The following TFAP2B variants were observed in gnomAD, a reference collection of about 807,000 sequenced individuals.
The protein encoded by TFAP2B is transcription factor AP-2-beta.
TFAP2B carries 9 observed loss-of-function variants against 44.3 expected under a neutral mutation model. That is an observed-to-expected ratio of 0.20 (90% confidence interval 0.12 to 0.35). The LOEUF (loss-of-function observed/expected upper bound fraction) is 0.35. TFAP2B is among the 10% of genes least tolerant of loss of function. TFAP2B has a pLI of 1.00. For missense variants in TFAP2B, 509 were observed against 600.0 expected (o/e 0.85, Z 1.59); for synonymous variants, 270 against 263.8 (o/e 1.02, Z -0.23).
chr6:50,834,015 T>C (rs950409996), intron 3 of TFAP2B, among the ~76,000 whole-genome samples: 2 of 152,196 alleles, frequency 1.3e-5, no homozygotes, highest in Non-Finnish European at 2.9e-5. Flanking sequence ...TTTTGGAAAA[T>C]AAGTTTTTCC....
chr6:50,824,269 G>T (rs1770443033), intron 2 of TFAP2B, among the ~76,000 whole-genome samples: 1 of 152,228 alleles, frequency 6.6e-6, no homozygotes, highest in Non-Finnish European at 1.5e-5. Flanking sequence ...GGGCTGTCCT[G>T]CTGACTTGGC....
chr6:50,819,678 C>T (rs1200261522), intron 1 of TFAP2B, among the ~76,000 whole-genome samples: 1 of 152,232 alleles, frequency 6.6e-6, no homozygotes, highest in Non-Finnish European at 1.5e-5. Context: ...TAGCTCAACT[C>T]TTCGGGGCAG....
At chr6:50,829,784 T>C (rs1232095987) in intron 3 of TFAP2B, among the ~76,000 whole-genome samples, 1 of 152,140 alleles carries the variant, frequency 6.6e-6, no homozygotes, top group Admixed American at 6.6e-5. Flanking sequence ...CCAAACAGGG[T>C]GAGGTATTCT....
intron 3 of TFAP2B, among the ~76,000 whole-genome samples, chr6:50,831,286 G>A (rs979775834): frequency 3.3e-5 from 5 of 152,156 alleles, no homozygotes; most frequent in Non-Finnish European, 2.9e-5. Context: ...GGTAGCCAGC[G>A]TGATAAATGG....
chr6:50,830,130 G>A (rs1316704812), intron 3 of TFAP2B, among the ~76,000 whole-genome samples: 1 of 152,082 alleles, frequency 6.6e-6, no homozygotes, highest in East Asian at 1.9e-4. Context: ...TTAGGGTGGG[G>A]TCGGGGAGGA....
chr6:50,822,074 C>A (rs1285166281), intron 1 of TFAP2B: 38 of 1,256,348 alleles, frequency 3.0e-5, no homozygotes, highest in Non-Finnish European at 3.9e-5. Flanking sequence ...CTGCTGGACT[C>A]CTTGATTTTT....
At position 50,838,105 on chromosome 6, in the gene TFAP2B, G is replaced by T; in HGVS notation, c.940+12G>T. On this transcript the variant is annotated intron_variant, in intron 5 of 6. Coordinates refer to ENST00000393655, the MANE Select transcript of TFAP2B (RefSeq NM_003221.4). ...CTCCCTGGTGGAAGGTAAGCAAGAC[G>T]TGTGGCCATTTCACGAAGTGGCTGA... 1.2e-6 allele frequency: 2 copies of T among 1,600,202 alleles called. No individual in the cohort carries two copies. Among genetic ancestry groups the T allele is most frequent in the Non-Finnish European group, 1.7e-6 (2 of 1,167,352 alleles).
At chr6:50,824,445 G>A (rs1233656101) in intron 2 of TFAP2B, among the ~76,000 whole-genome samples, 1 of 152,198 alleles carries the variant, frequency 6.6e-6, no homozygotes, top group African/African-American at 2.4e-5. Context: ...AAGCCACAGA[G>A]CTTTTTTCCA....
At chr6:50,820,398 C>G (rs1229786141) in intron 1 of TFAP2B, among the ~76,000 whole-genome samples, 7 of 152,352 alleles carry the variant, frequency 4.6e-5, no homozygotes, top group South Asian at 4.1e-4. Context: ...CCTGCCCCCC[C>G]CCGAATCCTA....
chr6:50,824,207 T>C (rs1770441449), intron 2 of TFAP2B, among the ~76,000 whole-genome samples: 1 of 152,240 alleles, frequency 6.6e-6, no homozygotes, highest in African/African-American at 2.4e-5. Flanking sequence ...TCTAGTGCTT[T>C]GTGGAAGCCA....
chr6:50,837,279 T>C (rs902930978), intron 4 of TFAP2B, among the ~76,000 whole-genome samples: 19 of 152,228 alleles, frequency 1.2e-4, no homozygotes, highest in African/African-American at 4.6e-4. Flanking sequence ...ATCCTCTTCC[T>C]CTGCCCTCCT....
chr6:50,843,294 G>C lies in TFAP2B; in HGVS notation c.1285G>C (p.Asp429His). ...TCTCACCGAGGCGCTCAAAGGCATG[G>C]ACAAGATGTTCTTGAACAACACCAC... is the stretch of plus-strand genomic sequence containing the variant. ...NYLTEALKGM[D>H]KMFLNNTTTN... Residue 429 changes from aspartate (D) to histidine (H), a missense_variant, in exon 7 of 7, where the codon GAC (aspartate) becomes CAC (histidine). This residue lies in a region of TFAP2B where 168 missense variants were observed against 183.2 expected (regional missense o/e 0.92). Transcript: ENST00000393655. 6.2e-7 allele frequency: 1 copy of C among 1,614,142 alleles called. No individual in the cohort carries two copies. The highest frequency in any genetic ancestry group is 8.5e-7 in the Non-Finnish European group (1 of 1,180,046).
Position 50,823,775 on chromosome 6 carries a change from G to A in TFAP2B, c.450G>A (p.Leu150=). 2 of 1,593,092 alleles carry A rather than the reference G, an allele frequency of 1.3e-6. No individual in the cohort carries two copies. The highest frequency in any genetic ancestry group is 1.1e-5 in the South Asian group (1 of 88,408). Residue 150 remains leucine, a synonymous_variant, in exon 2 of 7, where the codon CTG becomes CTA. Transcript: ENST00000393655. ...DYHSVRRPDV[L]LHSAHHGLDA... is the part of the protein sequence containing the mutation. ...ACTCGGTCCGCCGGCCGGACGTGCT[G>A]CTGCATTCGGCGCACCACGGCCTGG... is the stretch of plus-strand genomic sequence containing the variant.
chr6:50,822,580 A>G (rs996066174), intron 1 of TFAP2B, among the ~76,000 whole-genome samples: 1 of 152,034 alleles, frequency 6.6e-6, no homozygotes, highest in Non-Finnish European at 1.5e-5. Flanking sequence ...GACCAGGAAT[A>G]AGTTGTCTGG....
chr6:50,836,791 C>T (rs1385878292), intron 4 of TFAP2B, among the ~76,000 whole-genome samples: 1 of 152,196 alleles, frequency 6.6e-6, no homozygotes, highest in Non-Finnish European at 1.5e-5. Context: ...CCTGCTGATG[C>T]ACTGTAACCC....
intron 3 of TFAP2B, 81 bp downstream of exon 3, chr6:50,828,760 A>G: frequency 6.7e-7 from 1 of 1,481,984 alleles, no homozygotes; most frequent in African/African-American, 1.4e-5. Context: ...CTTTGGGGGA[A>G]TTCATTATTT....
intron 3 of TFAP2B, among the ~76,000 whole-genome samples, chr6:50,832,323 G>A (rs1373286720): frequency 1.3e-5 from 2 of 152,200 alleles, no homozygotes; most frequent in East Asian, 3.9e-4. Context: ...CACCATGTAA[G>A]TGATGAGACT....
At chr6:50,827,313 C>T (rs1283243115) in intron 2 of TFAP2B, among the ~76,000 whole-genome samples, 1 of 152,220 alleles carries the variant, frequency 6.6e-6, no homozygotes, top group Non-Finnish European at 1.5e-5. Flanking sequence ...ATTTTTAAAA[C>T]ACCTTTTTAC....
intron 6 of TFAP2B, among the ~76,000 whole-genome samples, chr6:50,842,286 T>G (rs1762748756): frequency 6.6e-6 from 1 of 152,170 alleles, no homozygotes; most frequent in African/African-American, 2.4e-5. Context: ...AATCCATAGG[T>G]AGGCACGCAG....
Sources: gnomAD v4.1 joint callset for allele counts (sites outside exome capture counted in the v4.1 genomes callset) on GRCh38, gnomAD v4.1.1 for gene constraint, gnomAD v4.1.1 regional missense constraint, MANE v1.5 for transcripts, NCBI Gene and HGNC (gene_info 2026-07-23, HGNC 2026-07-21) for gene names.